XKR9: variants seen among roughly 807,000 people sequenced by gnomAD.
The protein encoded by XKR9 is XK-related protein 9.
In XKR9, 32 loss-of-function variants were observed where a neutral mutation model predicts 32.0. The ratio of observed to expected loss-of-function variants is 1.00; its 90% CI spans 0.76 to 1.34. The LOEUF (loss-of-function observed/expected upper bound fraction) is 1.34. Among genes scored for constraint, XKR9 ranks in the 40% most tolerant of loss-of-function variants. XKR9 has a pLI of 0.00. For synonymous variants in XKR9, 168 were observed against 143.4 expected (o/e 1.17, Z -1.22); for missense variants, 546 against 429.7 (o/e 1.27, Z -2.39).
At chr8:71,065,196 AT>A in the XKR9 span, among the ~76,000 whole-genome samples, 3 of 152,304 alleles carry the variant, frequency 2.0e-5, no homozygotes, top group Non-Finnish European at 4.4e-5. Flanking sequence ...AAAATTTCAT[AT>A]ATTGGAGTCC....
the XKR9 span, among the ~76,000 whole-genome samples, chr8:70,798,506 G>A: frequency 2.4e-4 from 36 of 152,200 alleles, no homozygotes; most frequent in African/African-American, 8.4e-4. Flanking sequence ...TAGGTTGTCC[G>A]TTTACTGTGT....
At chr8:70,926,603 A>G in the XKR9 span, among the ~76,000 whole-genome samples, 1 of 152,232 alleles carries the variant, frequency 6.6e-6, no homozygotes. Flanking sequence ...GAGGGCCCAG[A>G]GTGTGACATG....
chr8:70,986,944 T>C, the XKR9 span, among the ~76,000 whole-genome samples: 1 of 152,176 alleles, frequency 6.6e-6, no homozygotes, highest in Admixed American at 6.5e-5. Context: ...AGTCTTGTCT[T>C]AAATGGATGG....
At chr8:70,838,561 T>C in the XKR9 span, among the ~76,000 whole-genome samples, 1 of 152,016 alleles carries the variant, frequency 6.6e-6, no homozygotes, top group East Asian at 1.9e-4. Flanking sequence ...ACATTGCAAA[T>C]GAGAAAACTG....
chr8:71,012,424 A>T, the XKR9 span, among the ~76,000 whole-genome samples: 11 of 152,142 alleles, frequency 7.2e-5, no homozygotes, highest in Non-Finnish European at 1.2e-4. Flanking sequence ...TTCCAGGGAA[A>T]AGTGCACCAT....
At chr8:70,900,115 A>G in the XKR9 span, among the ~76,000 whole-genome samples, 1 of 150,292 alleles carries the variant, frequency 6.7e-6, no homozygotes, top group African/African-American at 2.5e-5. Context: ...AAAAAAAATT[A>G]GTCTTTTTTT....
At chr8:70,988,907 C>T in the XKR9 span, among the ~76,000 whole-genome samples, 1 of 152,276 alleles carries the variant, frequency 6.6e-6, no homozygotes, top group Non-Finnish European at 1.5e-5. Flanking sequence ...TGAGTGGAAT[C>T]GTATAGGATT....
At chr8:70,921,673 T>G in the XKR9 span, among the ~76,000 whole-genome samples, 1 of 152,204 alleles carries the variant, frequency 6.6e-6, no homozygotes, top group East Asian at 1.9e-4. Context: ...GGCTGTGTAA[T>G]TTTATGGCAG....
At chr8:70,740,598 T>C (rs568281877), downstream of XKR9, among the ~76,000 whole-genome samples, 6 of 152,052 alleles carry the variant, frequency 3.9e-5, no homozygotes, top group South Asian at 1.2e-3. Context: ...TTTGTGGTTT[T>C]ATCTACTTTT....
the XKR9 span, among the ~76,000 whole-genome samples, chr8:70,868,472 G>T: frequency 6.6e-6 from 1 of 152,102 alleles, no homozygotes; most frequent in African/African-American, 2.4e-5. Flanking sequence ...GCCAAGGTTT[G>T]GGGCTTCCAC....
At chr8:70,876,441 A>T in the XKR9 span, among the ~76,000 whole-genome samples, 2 of 151,996 alleles carry the variant, frequency 1.3e-5, no homozygotes, top group African/African-American at 4.8e-5. Context: ...CGTTCTTCAG[A>T]AGTGGGTGAG....
chr8:70,853,152 T>C, the XKR9 span, among the ~76,000 whole-genome samples: 1 of 151,928 alleles, frequency 6.6e-6, no homozygotes, highest in Non-Finnish European at 1.5e-5. Flanking sequence ...GGCACAGAAA[T>C]ACAAACCTCT....
chr8:70,676,220 G>C (rs1017133766), intron 2 of XKR9, among the ~76,000 whole-genome samples: 1 of 152,114 alleles, frequency 6.6e-6, no homozygotes, highest in Non-Finnish European at 1.5e-5. Flanking sequence ...ACAACAACCA[G>C]ATCTCACTCA....
the XKR9 span, among the ~76,000 whole-genome samples, chr8:71,004,210 T>C: frequency 9.2e-5 from 14 of 152,232 alleles, no homozygotes; most frequent in East Asian, 2.7e-3. Flanking sequence ...AGCATATGGG[T>C]AAAATCAGAT....
the XKR9 span, among the ~76,000 whole-genome samples, chr8:70,968,117 G>T: frequency 1.3e-5 from 2 of 151,992 alleles, no homozygotes; most frequent in African/African-American, 4.8e-5. Context: ...CATATGTCTT[G>T]GAAATTTTGT....
chr8:70,791,954 A>T (rs1807769591), downstream of XKR9, among the ~76,000 whole-genome samples: 1 of 152,110 alleles, frequency 6.6e-6, no homozygotes, highest in African/African-American at 2.4e-5. Context: ...TGACTTAGTA[A>T]GTAAGTAAGC....
chr8:70,947,400 A>C, the XKR9 span, among the ~76,000 whole-genome samples: 8 of 152,230 alleles, frequency 5.3e-5, no homozygotes, highest in Non-Finnish European at 1.0e-4. Context: ...GAGACTAGAG[A>C]AAGGTCAAAG....
At chr8:70,916,529 T>G in the XKR9 span, among the ~76,000 whole-genome samples, 13 of 152,338 alleles carry the variant, frequency 8.5e-5, no homozygotes, top group East Asian at 1.3e-3. Flanking sequence ...TTTAAAAAAC[T>G]ACCCTATTTT....
the XKR9 span, among the ~76,000 whole-genome samples, chr8:70,890,980 T>G: frequency 6.6e-6 from 1 of 152,006 alleles, no homozygotes; most frequent in South Asian, 2.1e-4. Context: ...TACTCATAAT[T>G]GTTCTGTTCA....
Sources: allele counts gnomAD v4.1 joint callset (sites outside exome capture counted in the v4.1 genomes callset), GRCh38; gene constraint gnomAD v4.1.1; transcripts MANE v1.5; gene names NCBI Gene and HGNC (gene_info 2026-07-23, HGNC 2026-07-21).